Variants in MLLT10 observed in about 807,000 individuals in gnomAD.
MLLT10 encodes protein AF-10.
In MLLT10, 30 loss-of-function variants were observed where a neutral mutation model predicts 129.1. The observed-to-expected ratio is 0.23, with a 90% confidence interval of 0.17 to 0.32. The LOEUF is 0.32. Ranked by LOEUF, MLLT10 falls within the 10% of genes least tolerant of loss-of-function variation. MLLT10 has a pLI of 1.00. For synonymous variants in MLLT10, 490 were observed against 446.4 expected (o/e 1.10, Z -1.23); for missense variants, 1,119 against 1,268.3 (o/e 0.88, Z 1.79).
chr10:21,704,135 A>G lies in MLLT10; in HGVS notation c.1700-9637A>G, dbSNP rs1269395799. On this transcript the variant is annotated intron_variant, in intron 13 of 22. Transcript: ENST00000307729. ...AGTGATTCTCCTGCTTCAGCCTCCT[A>G]AGTAGCTGTGATTACAGGCAGGTAC... Among the ~76,000 whole-genome samples the G allele has an allele frequency of 2.2e-5, 3 of 137,878 alleles. No homozygotes were observed. The East Asian group carries it at 6.6e-4, about 30-fold the overall frequency. 90.5% of individuals were successfully genotyped at this position (137,878 alleles called of 152,430 possible).
rs143413623 is a variant in MLLT10 at position 21,726,834 on chromosome 10, C to G, written c.1990+479C>G. ...GCAATGAAAGTAACATAACACTGGGCTTTTCTGTGAATAGCCTAAACCTTT... is the reference window on the plus strand; with the variant it reads ...GCAATGAAAGTAACATAACACTGGGGTTTTCTGTGAATAGCCTAAACCTTT... On this transcript the variant is annotated intron_variant, in intron 15 of 22. Coordinates refer to ENST00000307729, the MANE Select transcript of MLLT10 (RefSeq NM_001195626.3). Among the ~76,000 whole-genome samples the G allele has an allele frequency of 2.0e-4, 30 of 152,026 alleles. No individual in the cohort carries two copies. In the East Asian group the frequency reaches 5.6e-3, roughly 28 times the overall value.
intron 14 of MLLT10, among the ~76,000 whole-genome samples, chr10:21,714,631 A>G (rs890319948): frequency 6.6e-6 from 1 of 152,156 alleles, no homozygotes; most frequent in Non-Finnish European, 1.5e-5. Flanking sequence ...TCCTGGGTTC[A>G]AGCAATTCTC....
intron 14 of MLLT10, among the ~76,000 whole-genome samples, chr10:21,720,818 A>G (rs2057076094): frequency 6.6e-6 from 1 of 152,238 alleles, no homozygotes; most frequent in Non-Finnish European, 1.5e-5. Flanking sequence ...TTTAAAGTTA[A>G]GCTAAAATAT....
chr10:21,594,830 A>G (rs1285840737), intron 4 of MLLT10, among the ~76,000 whole-genome samples: 1 of 150,352 alleles, frequency 6.7e-6, no homozygotes, highest in African/African-American at 2.5e-5. Context: ...GTGAAACTCC[A>G]TCTCAAAAAA....
intron 22 of MLLT10, among the ~76,000 whole-genome samples, chr10:21,741,121 TAGA>T (rs1321493681): frequency 1.3e-5 from 2 of 152,240 alleles, no homozygotes; most frequent in African/African-American, 4.8e-5. Context: ...TTATTCAAAA[TAGA>T]GGATTGTTTT....
intron 3 of MLLT10, among the ~76,000 whole-genome samples, chr10:21,565,237 T>A (rs1196927520): frequency 3.3e-5 from 5 of 152,186 alleles, no homozygotes; most frequent in Admixed American, 6.5e-5. Context: ...TTTTTAATTT[T>A]TTTTTGCTTT....
chr10:21,537,420 C>T lies in MLLT10; in HGVS notation c.161-1413C>T, dbSNP rs376003072. ...TCATGTGATTCTCCTGCCTCAGCCTCCTGAGTAGCTGGGACTACAGGCACT... is the reference window on the plus strand; with the variant it reads ...TCATGTGATTCTCCTGCCTCAGCCTTCTGAGTAGCTGGGACTACAGGCACT... On this transcript the variant is annotated intron_variant, in intron 2 of 22. Transcript: ENST00000307729. 4.6e-5 allele frequency among the ~76,000 whole-genome samples: 7 copies of T among 152,236 alleles called. No individual in the cohort carries two copies. The East Asian group carries it at 7.7e-4, about 17-fold the overall frequency.
chr10:21,544,727 A>T (rs1321764774), intron 3 of MLLT10, among the ~76,000 whole-genome samples: 2 of 152,220 alleles, frequency 1.3e-5, no homozygotes, highest in Non-Finnish European at 2.9e-5. Flanking sequence ...TTAGATATCA[A>T]GGTGCTCACT....
chr10:21,624,657 C>G lies in MLLT10; in HGVS notation c.699+7450C>G, dbSNP rs184609644. 1.4e-5 allele frequency: 21 copies of G among 1,452,662 alleles called. No individual in the cohort carries two copies. The East Asian group carries it at 4.9e-4, about 34-fold the overall frequency. The allele number at this position is 1,452,662 out of a possible 1,614,324, so 90.0% of individuals were successfully genotyped here. A position where few individuals can be genotyped will look rare whatever the true frequency, so the allele number is the denominator to read the frequency against. ...TTGTCATTATTGTAACCATAGTTAC[C>G]AGAATAGTCACCACCTTGCTGAAGC... is the stretch of plus-strand genomic sequence containing the variant. On this transcript the variant is annotated intron_variant, in intron 8 of 22. Coordinates refer to ENST00000307729, the MANE Select transcript of MLLT10 (RefSeq NM_001195626.3).
chr10:21,546,777 G>T (rs2036149547), intron 3 of MLLT10, among the ~76,000 whole-genome samples: 1 of 151,594 alleles, frequency 6.6e-6, no homozygotes, highest in African/African-American at 2.4e-5. Context: ...TCCCAGGCTG[G>T]AGTGTAATGG....
intron 9 of MLLT10, among the ~76,000 whole-genome samples, chr10:21,655,833 T>C (rs2049522395): frequency 6.6e-6 from 1 of 152,124 alleles, no homozygotes; most frequent in South Asian, 2.1e-4. Flanking sequence ...TAAGTTTTTG[T>C]TGGAACAAGA....
chr10:21,683,786 G>T (rs1404402199), intron 13 of MLLT10, among the ~76,000 whole-genome samples: 2 of 150,068 alleles, frequency 1.3e-5, no homozygotes, highest in African/African-American at 2.5e-5. Flanking sequence ...TGCTCTTGTT[G>T]CCCAGGTTGG....
intron 14 of MLLT10, among the ~76,000 whole-genome samples, chr10:21,723,999 GT>G (rs1434650963): frequency 6.6e-6 from 1 of 152,154 alleles, no homozygotes; most frequent in African/African-American, 2.4e-5. Flanking sequence ...AATCTTAACT[GT>G]ATCTCTGTTT....
intron 3 of MLLT10, among the ~76,000 whole-genome samples, chr10:21,539,977 G>A (rs761461199): frequency 4.0e-5 from 6 of 151,778 alleles, no homozygotes; most frequent in African/African-American, 7.3e-5. Flanking sequence ...GAGGTAGGCC[G>A]GGTGCAGTGA....
At chr10:21,571,603 G>C (rs6482186) in intron 3 of MLLT10, among the ~76,000 whole-genome samples, 19 of 152,062 alleles carry the variant, frequency 1.2e-4, no homozygotes, top group Non-Finnish European at 2.1e-4. Context: ...TTATTATTTC[G>C]TGCAAGGAGG....
intron 9 of MLLT10, among the ~76,000 whole-genome samples, chr10:21,663,309 T>C (rs2050401492): frequency 6.6e-6 from 1 of 152,156 alleles, no homozygotes; most frequent in African/African-American, 2.4e-5. Flanking sequence ...TACTGGTTCC[T>C]GCAGAGGTTT....
At chr10:21,549,843 C>T (rs769305440) in intron 3 of MLLT10, among the ~76,000 whole-genome samples, 13 of 151,556 alleles carry the variant, frequency 8.6e-5, no homozygotes, top group South Asian at 2.1e-4. Flanking sequence ...TTCGCCATGT[C>T]GGCCAGGCTG....
At chr10:21,614,952 A>G (rs2045078199) in intron 7 of MLLT10, 28 bp downstream of exon 7, 1 of 1,524,474 alleles carries the variant, frequency 6.6e-7, no homozygotes, top group Admixed American at 1.9e-5. Flanking sequence ...ATTTAATGAA[A>G]TGATTATGAT....
At chr10:21,724,872 GA>G in intron 14 of MLLT10, among the ~76,000 whole-genome samples, 1 of 152,208 alleles carries the variant, frequency 6.6e-6, no homozygotes, top group Admixed American at 6.5e-5. Context: ...AGGTCCCAGT[GA>G]GGCCTTCAGA....
Sources: gnomAD v4.1 joint callset for allele counts (sites outside exome capture counted in the v4.1 genomes callset) on GRCh38, gnomAD v4.1.1 for gene constraint, MANE v1.5 for transcripts, NCBI Gene and HGNC (gene_info 2026-07-23, HGNC 2026-07-21) for gene names.